LAMA4: variants seen among roughly 807,000 people sequenced by gnomAD.
The protein encoded by LAMA4 is laminin subunit alpha-4.
LAMA4 carries 127 observed loss-of-function variants against 207.1 expected under a neutral mutation model. That is an observed-to-expected ratio of 0.61 (90% CI 0.53 to 0.71). The LOEUF is 0.71. Ranked by LOEUF, LAMA4 falls within the 30% of genes least tolerant of loss-of-function variation. The probability of loss-of-function intolerance (pLI) is 0.00; values close to 1 mark genes in which losing one functional copy is unlikely to be tolerated. For missense variants in LAMA4, 2,093 were observed against 2,246.5 expected, an observed-to-expected ratio of 0.93 and a Z score of 1.38; for synonymous variants, 761 against 816.0, an observed-to-expected ratio of 0.93 and a Z score of 1.15.
At chr6:112,240,849 T>C (rs574021718) in intron 2 of LAMA4, among the ~76,000 whole-genome samples, 18 of 152,218 alleles carry the variant, frequency 1.2e-4, no homozygotes, top group South Asian at 1.0e-3. Context: ...CTGTGACAAA[T>C]ATAGGAGTGC....
intron 10 of LAMA4, among the ~76,000 whole-genome samples, chr6:112,177,026 G>A (rs1473008940): frequency 6.6e-6 from 1 of 152,200 alleles, no homozygotes; most frequent in Non-Finnish European, 1.5e-5. Context: ...GCTGCCTAAA[G>A]AGGCATTTAT....
At chr6:112,195,290 TTATGAAAGAC>T (rs1783349097) in intron 5 of LAMA4, among the ~76,000 whole-genome samples, 1 of 152,186 alleles carries the variant, frequency 6.6e-6, no homozygotes, top group South Asian at 2.1e-4. Flanking sequence ...CTCCACTTCT[TTATGAAAGAC>T]TGAGAAATAA....
At chr6:112,146,724 C>T (rs1780053263) in intron 18 of LAMA4, among the ~76,000 whole-genome samples, 1 of 152,176 alleles carries the variant, frequency 6.6e-6, no homozygotes, top group Admixed American at 6.5e-5. Context: ...GGAAACATCC[C>T]TTCTCTGTAC....
At chr6:112,149,909 G>T (rs1440303192) in intron 17 of LAMA4, among the ~76,000 whole-genome samples, 1 of 152,138 alleles carries the variant, frequency 6.6e-6, no homozygotes, top group Non-Finnish European at 1.5e-5. Context: ...TTCACTGCGC[G>T]AAGGAAGGCA....
chr6:112,191,605 G>C (rs1343841922), intron 6 of LAMA4, 31 bp downstream of exon 6: 1 of 1,513,030 alleles, frequency 6.6e-7, no homozygotes, highest in African/African-American at 1.4e-5. Flanking sequence ...ATGCTGGCCA[G>C]GCAGCTGGCT....
rs41289906 is a variant in LAMA4, at chr6:112,165,314, T to C, written c.1552-38A>G. ...AGAGTAAGGGAGAGTGAAGTGAATA[T>C]GTCTTTAGGGAAAGCGTTGGGGAGA... On this transcript the variant is annotated intron_variant, in intron 12 of 38. Transcript: ENST00000230538. The C allele has an allele frequency of 9.5e-4, 1,268 of 1,337,418 alleles. 11 individuals carry two copies. In the African/African-American group the frequency reaches 0.015, roughly 16 times the overall value. 82.8% of individuals were successfully genotyped at this position (1,337,418 alleles called of 1,614,324 possible).
rs1554323522 is a variant in LAMA4, at chr6:112,115,844, A to G, written c.5112+19T>C. ...CAAGGTCAGATGAGACAAATTGTTAAACATTTTTCAGACACTACCTGTCCA... is the reference window on the plus strand; with the variant it reads ...CAAGGTCAGATGAGACAAATTGTTAGACATTTTTCAGACACTACCTGTCCA... On this transcript the variant is annotated intron_variant, in intron 36 of 38. Transcript: ENST00000230538. The G allele has an allele frequency of 6.2e-7, 1 of 1,611,774 alleles. No individual in the cohort carries two copies. The highest frequency in any genetic ancestry group is 1.1e-5 in the South Asian group (1 of 91,040).
At chr6:112,175,557 G>T in intron 10 of LAMA4, 77 bp from the exon 11 acceptor site, 2 of 1,406,978 alleles carry the variant, frequency 1.4e-6, no homozygotes, top group Non-Finnish European at 1.0e-6. Context: ...AGCAAGGGCT[G>T]TGGGCAAAGG....
At chr6:112,204,648 G>A (rs1783953120) in intron 4 of LAMA4, among the ~76,000 whole-genome samples, 1 of 150,254 alleles carries the variant, frequency 6.7e-6, no homozygotes, top group Non-Finnish European at 1.5e-5. Context: ...CTCACCAGAC[G>A]TGATTAAAAC....
At position 112,167,105 on chromosome 6, in the gene LAMA4, T is replaced by C. The variant is rs140133393; in HGVS notation, c.1552-1829A>G. Among the ~76,000 whole-genome samples the C allele has an allele frequency of 2.3e-3, 346 of 152,386 alleles. 2 individuals carry two copies. The highest frequency in any genetic ancestry group is 7.9e-3 in the African/African-American group (330 of 41,582). ...GATGACAAAATAATGTAATTGCTAG[T>C]TGTATGGCTACTGTTGGTACATGTC... On this transcript the variant is annotated intron_variant, in intron 12 of 38. Transcript: ENST00000230538.
intron 3 of LAMA4, among the ~76,000 whole-genome samples, chr6:112,209,723 T>C (rs1333777018): frequency 2.6e-5 from 4 of 152,240 alleles, no homozygotes; most frequent in African/African-American, 4.8e-5. Flanking sequence ...TACTTTGAGA[T>C]TGCAAAATGT....
chr6:112,117,915 T>C lies in LAMA4; in HGVS notation c.4822-17A>G, dbSNP rs781968335. ...GGAGTTAATCTGAGGGAAGAAGATA[T>C]TTCTTAAAATCAATTTTCTCAACAC... is the stretch of plus-strand genomic sequence containing the variant. On this transcript the variant is annotated splice_polypyrimidine_tract_variant and intron_variant, in intron 34 of 38. Transcript: ENST00000230538. The surrounding 1 kb of genome is among the most constrained non-coding windows in gnomAD (Gnocchi z 4.5). 1 of 1,611,196 alleles carries C rather than the reference T, an allele frequency of 6.2e-7. No homozygotes were observed. Among genetic ancestry groups the C allele is most frequent in the Non-Finnish European group, 8.5e-7 (1 of 1,177,970 alleles).
chr6:112,149,833 G>A (rs1780268076), intron 17 of LAMA4, among the ~76,000 whole-genome samples: 1 of 152,210 alleles, frequency 6.6e-6, no homozygotes, highest in Admixed American at 6.5e-5. Context: ...TTGGTGCACT[G>A]TAGCACTGTA....
rs1583870087 is a variant in LAMA4, at chr6:112,199,684, A to C, written c.503+1924T>G. Among the ~76,000 whole-genome samples the C allele has an allele frequency of 3.3e-5, 5 of 152,296 alleles. 1 individual carries two copies. The highest frequency in any genetic ancestry group is 3.3e-4 in the Admixed American group (5 of 15,306). ...AAAATCCACAATCCTTTAGTGAAAT[A>C]ATTATCCACATTTTGCATATTTAAT... On this transcript the variant is annotated intron_variant, in intron 5 of 38. Coordinates refer to ENST00000230538, the MANE Select transcript of LAMA4 (RefSeq NM_001105206.3).
At chr6:112,129,817 C>T in intron 30 of LAMA4, 59 bp downstream of exon 30, 1 of 1,293,772 alleles carries the variant, frequency 7.7e-7, no homozygotes, top group Non-Finnish European at 1.1e-6. Flanking sequence ...AATATTTTTG[C>T]TGTTGTCTTG....
chr6:112,212,147 T>A (rs73764707), intron 3 of LAMA4, among the ~76,000 whole-genome samples: 13 of 151,808 alleles, frequency 8.6e-5, no homozygotes, highest in African/African-American at 3.1e-4. Flanking sequence ...GAGGAGTATA[T>A]GGGGAGGACC....
chr6:112,138,659 A>C (rs1244472260), intron 24 of LAMA4, among the ~76,000 whole-genome samples: 1 of 152,084 alleles, frequency 6.6e-6, no homozygotes, highest in African/African-American at 2.4e-5. Context: ...TGACTGTTTC[A>C]TACTATATTT....
chr6:112,150,961 TATATGTG>T (rs1431048008), intron 16 of LAMA4, among the ~76,000 whole-genome samples: 2 of 152,218 alleles, frequency 1.3e-5, no homozygotes, highest in African/African-American at 2.4e-5. Context: ...TCTCTCTACA[TATATGTG>T]ATAACGACTG....
intron 2 of LAMA4, among the ~76,000 whole-genome samples, chr6:112,229,982 T>G (rs1453689426): frequency 6.6e-6 from 1 of 152,234 alleles, no homozygotes; most frequent in Non-Finnish European, 1.5e-5. Flanking sequence ...CAAATTTCTT[T>G]AAAATTCTTT....
Sources: allele counts gnomAD v4.1 joint callset (sites outside exome capture counted in the v4.1 genomes callset), GRCh38; gene constraint gnomAD v4.1.1; non-coding constraint Gnocchi (gnomAD v3.1); transcripts MANE v1.5; gene names NCBI Gene and HGNC (gene_info 2026-07-23, HGNC 2026-07-21).